ARHGEF10: variants seen among roughly 807,000 people sequenced by gnomAD.
The protein encoded by ARHGEF10 is Rho guanine nucleotide exchange factor (GEF) 10.
In ARHGEF10, 140 loss-of-function variants were observed where a neutral mutation model predicts 147.4. That is an observed-to-expected ratio of 0.95 (90% CI 0.83 to 1.09). ARHGEF10 has a LOEUF of 1.09. Among genes scored for constraint, ARHGEF10 ranks in the 50% least tolerant of loss-of-function variants. ARHGEF10 has a pLI of 0.00. For missense variants in ARHGEF10, 2,222 were observed against 1,752.7 expected (o/e 1.27, Z -4.78); for synonymous variants, 902 against 695.8 (o/e 1.30, Z -4.67).
rs530979328 is a variant in ARHGEF10, at chr8:1,956,634, G to C, written c.3521-115G>C. The C allele has an allele frequency of 1.6e-5, 17 of 1,080,054 alleles. No individual in the cohort carries two copies. The South Asian group carries it at 1.9e-4, about 12-fold the overall frequency. The allele number at this position is 1,080,054 out of a possible 1,614,324, so 66.9% of individuals were successfully genotyped here. A position where few individuals can be genotyped will look rare whatever the true frequency, so the allele number is the denominator to read the frequency against. Reference sequence around the variant, plus strand: ...ATTCATGTATGCAAGTTACTTACAGGCTTTGTTATTTGGGCAGGGAGGAAT... The same window carrying C: ...ATTCATGTATGCAAGTTACTTACAGCCTTTGTTATTTGGGCAGGGAGGAAT... On this transcript the variant is annotated intron_variant, in intron 28 of 28. Coordinates refer to ENST00000349830, the MANE Select transcript of ARHGEF10 (RefSeq NM_014629.4).
chr8:1,863,026 G>A (rs140233365), intron 4 of ARHGEF10, among the ~76,000 whole-genome samples: 2,420 of 151,930 alleles, frequency 0.016, 80 homozygotes, highest in African/African-American at 0.053. Context: ...CTCGTGATCC[G>A]CCCGCCTCAG....
intron 18 of ARHGEF10, among the ~76,000 whole-genome samples, chr8:1,915,367 T>C (rs1811682294): frequency 6.6e-6 from 1 of 152,226 alleles, no homozygotes; most frequent in African/African-American, 2.4e-5. Context: ...ATTCTACTTT[T>C]CTACATTTAA....
At chr8:1,864,633 G>T (rs959278860) in intron 5 of ARHGEF10, among the ~76,000 whole-genome samples, 197 bp downstream of exon 5, 19 of 152,200 alleles carry the variant, frequency 1.2e-4, no homozygotes, top group Admixed American at 3.9e-4. Context: ...GTGGACTGAG[G>T]GTCTGATAAC....
intron 16 of ARHGEF10, chr8:1,904,054 G>C (rs1810694134): frequency 6.5e-6 from 1 of 154,766 alleles, no homozygotes; most frequent in African/African-American, 2.4e-5. Context: ...CTGTTATTGA[G>C]GTGCTGCACT....
chr8:1,848,606 A>G (rs144390367), intron 2 of ARHGEF10, among the ~76,000 whole-genome samples: 1 of 152,354 alleles, frequency 6.6e-6, no homozygotes, highest in African/African-American at 2.4e-5. Flanking sequence ...AGGTACTACA[A>G]ATGACTTTAC....
intron 2 of ARHGEF10, among the ~76,000 whole-genome samples, chr8:1,847,605 TTGTTTCTGGGGGATGGCAC>T (rs1298037110): frequency 6.6e-6 from 1 of 151,884 alleles, no homozygotes; most frequent in African/African-American, 2.4e-5. Flanking sequence ...GGGGGCAGCA[TTGTTTCTGGGGGATGGCAC>T]TGTTTCTGGG....
chr8:1,946,321 G>C (rs1814587205), intron 27 of ARHGEF10, among the ~76,000 whole-genome samples: 1 of 152,218 alleles, frequency 6.6e-6, no homozygotes, highest in South Asian at 2.1e-4. Flanking sequence ...GGGAAGGCAT[G>C]AAGTAAGGGC....
At chr8:1,888,393 G>T (rs1453622867) in intron 11 of ARHGEF10, among the ~76,000 whole-genome samples, 1 of 143,698 alleles carries the variant, frequency 7.0e-6, no homozygotes, top group Admixed American at 6.8e-5. Context: ...TAGTTTTGAG[G>T]AGACAGTGGG....
At chr8:1,921,385 G>C (rs942701400) in intron 18 of ARHGEF10, among the ~76,000 whole-genome samples, 1 of 152,284 alleles carries the variant, frequency 6.6e-6, no homozygotes, top group South Asian at 2.1e-4. Flanking sequence ...TTTGTGGGAC[G>C]TAGCATAGAA....
At chr8:1,828,057 G>C (rs1461839738) in intron 1 of ARHGEF10, among the ~76,000 whole-genome samples, 1 of 152,208 alleles carries the variant, frequency 6.6e-6, no homozygotes, top group Admixed American at 6.5e-5. Context: ...CACAGTGGGG[G>C]TTTAATGAAG....
intron 2 of ARHGEF10, 83 bp from the exon 3 acceptor site, chr8:1,857,876 AT>A (rs35312941): frequency 2.4e-6 from 2 of 850,308 alleles, no homozygotes; most frequent in Non-Finnish European, 1.7e-6. Context: ...ACATAGATCG[AT>A]CGATCTATCT....
chr8:1,825,541 G>A lies in ARHGEF10; in HGVS notation c.-48+1428G>A, dbSNP rs549555605. ...TTCCCCTGCACCCCACAGCCCGCTG[G>A]TGCCCAAGAAGCCAAGGTAGATTCT... On this transcript the variant is annotated intron_variant, in intron 1 of 28. Coordinates refer to ENST00000349830, the MANE Select transcript of ARHGEF10 (RefSeq NM_014629.4). Among the ~76,000 whole-genome samples, 260 of 149,590 alleles carry A rather than the reference G, an allele frequency of 1.7e-3. 2 individuals are homozygous for A. The highest frequency in any genetic ancestry group is 6.3e-3 in the African/African-American group (254 of 40,416).
Position 1,937,721 on chromosome 8 carries a change from G to A in ARHGEF10, c.3222+3779G>A, listed in dbSNP as rs753162006. ...AGATTCGAGCCCTGGGTATGTGTCC[G>A]CCTTGCTGACAGCGAGGGCAGCAGC... On this transcript the variant is annotated intron_variant, in intron 26 of 28. Transcript: ENST00000349830. The surrounding 1 kb of genome is among the most constrained non-coding windows in gnomAD (Gnocchi z 4.9). Among the ~76,000 whole-genome samples, 2 of 152,228 alleles carry A rather than the reference G, an allele frequency of 1.3e-5. No homozygotes were observed. Among genetic ancestry groups the A allele is most frequent in the Non-Finnish European group, 2.9e-5 (2 of 68,040 alleles).
rs997301500 is a variant in ARHGEF10 at position 1,903,058 on chromosome 8, G to C, written c.1651-223G>C. On this transcript the variant is annotated intron_variant, in intron 15 of 28. Coordinates refer to ENST00000349830, the MANE Select transcript of ARHGEF10 (RefSeq NM_014629.4). The stretch of plus-strand genomic sequence containing the variant: ...TATTTAGCGTGTCCTTTATTGTACA[G>C]TGCTATTTTTTCAATTTTGTTTTTG... 6.1e-4 allele frequency among the ~76,000 whole-genome samples: 92 copies of C among 151,942 alleles called. 2 individuals are homozygous for C. The highest frequency in any genetic ancestry group is 2.2e-4 in the Non-Finnish European group (15 of 68,036).
chr8:1,956,374 C>T (rs1174891785), intron 28 of ARHGEF10, among the ~76,000 whole-genome samples: 2 of 152,140 alleles, frequency 1.3e-5, no homozygotes, highest in African/African-American at 4.8e-5. Context: ...GTTAATATTT[C>T]TAATCAAGAC....
chr8:1,920,404 CCTTGA>C (rs1258320195), intron 18 of ARHGEF10, among the ~76,000 whole-genome samples: 3 of 152,054 alleles, frequency 2.0e-5, no homozygotes, highest in African/African-American at 7.2e-5. Context: ...CTCACTGCAG[CCTTGA>C]CTTCCTTGGC....
rs1262052659 is a variant in ARHGEF10 at position 1,932,420 on chromosome 8, G to A, written c.3080-1380G>A. Among the ~76,000 whole-genome samples the A allele has an allele frequency of 2.6e-5, 4 of 152,144 alleles. 1 individual carries two copies. The highest frequency in any genetic ancestry group is 6.5e-5 in the Admixed American group (1 of 15,276). On this transcript the variant is annotated intron_variant, in intron 25 of 28. Transcript: ENST00000349830. ...TCCCTGTGTGCATGTGACGGCAGGTGCACGTACTTGTGGGTGTGTGTGCAC... is the reference window on the plus strand; with the variant it reads ...TCCCTGTGTGCATGTGACGGCAGGTACACGTACTTGTGGGTGTGTGTGCAC...
chr8:1,833,429 G>C (rs1201241106), intron 1 of ARHGEF10, among the ~76,000 whole-genome samples: 1 of 152,066 alleles, frequency 6.6e-6, no homozygotes. Flanking sequence ...GACAGAGACA[G>C]AGACAGAGGC....
Position 1,903,761 on chromosome 8 carries a change from A to G in ARHGEF10, c.1821+310A>G, listed in dbSNP as rs190498729. 1.6e-4 allele frequency: 70 copies of G among 429,226 alleles called. No homozygotes were observed. In the East Asian group the frequency reaches 3.3e-3, roughly 20 times the overall value. 26.6% of individuals were successfully genotyped at this position (429,226 alleles called of 1,614,324 possible). Reference sequence around the variant, plus strand: ...CCTTTAGCTTACTTTTCCTTTCAAAATAACGGTATTTAATTTCAGATAGTA... The same window carrying G: ...CCTTTAGCTTACTTTTCCTTTCAAAGTAACGGTATTTAATTTCAGATAGTA... On this transcript the variant is annotated intron_variant, in intron 16 of 28. Transcript: ENST00000349830.
Sources: allele counts gnomAD v4.1 joint callset (sites outside exome capture counted in the v4.1 genomes callset), GRCh38; gene constraint gnomAD v4.1.1; non-coding constraint Gnocchi (gnomAD v3.1); transcripts MANE v1.5; gene names NCBI Gene and HGNC (gene_info 2026-07-23, HGNC 2026-07-21).